Variants in AGBL4 observed in about 807,000 individuals in gnomAD.
The protein encoded by AGBL4 is cytosolic carboxypeptidase 6.
A neutral mutation model predicts 66.4 loss-of-function variants in AGBL4; 58 were observed. The observed-to-expected ratio is 0.87, with a 90% CI of 0.71 to 1.09. The LOEUF (loss-of-function observed/expected upper bound fraction) is 1.09, where lower values mean the gene tolerates loss of function less well. AGBL4 is among the 50% of genes least tolerant of loss of function. AGBL4 has a pLI of 0.00. For synonymous variants in AGBL4, 234 were observed against 222.9 expected (o/e 1.05, Z -0.44); for missense variants, 579 against 631.0 (o/e 0.92, Z 0.88).
rs76123115 is a variant in AGBL4 at position 48,908,938 on chromosome 1, T to C, written c.595-41708A>G. 4.6e-5 allele frequency among the ~76,000 whole-genome samples: 7 copies of C among 151,048 alleles called. No homozygotes were observed. In the South Asian group the frequency reaches 1.5e-3, roughly 32 times the overall value. On this transcript the variant is annotated intron_variant, in intron 5 of 13. Coordinates refer to ENST00000371839, the MANE Select transcript of AGBL4 (RefSeq NM_032785.4). ...TAAATCAACCTTGCCTTTTTTTTTT[T>C]TCAGGACTAGTTTTTGCATCTACTC...
intron 4 of AGBL4, among the ~76,000 whole-genome samples, chr1:49,101,240 T>C (rs1012214111): frequency 2.0e-5 from 3 of 152,060 alleles, no homozygotes; most frequent in Non-Finnish European, 4.4e-5. Context: ...CAGGCTGCAG[T>C]GCAGTGGTAT....
intron 3 of AGBL4, among the ~76,000 whole-genome samples, chr1:49,541,399 C>T (rs1652009315): frequency 6.6e-6 from 1 of 152,164 alleles, no homozygotes; most frequent in Non-Finnish European, 1.5e-5. Flanking sequence ...TCCAGGTGGG[C>T]ATGGGCTCAG....
chr1:49,011,048 A>G lies in AGBL4; in HGVS notation c.594+34536T>C, dbSNP rs1662361224. On this transcript the variant is annotated intron_variant, in intron 5 of 13. Coordinates refer to ENST00000371839, the MANE Select transcript of AGBL4 (RefSeq NM_032785.4). ...GACAAATGGGATCTAATTAAACTAA[A>G]GAGCTTCTGTACAGCAAAAGAAACT... Among the ~76,000 whole-genome samples, 3 of 152,082 alleles carry G rather than the reference A, an allele frequency of 2.0e-5. No individual in the cohort carries two copies. The South Asian group carries it at 6.2e-4, about 32-fold the overall frequency.
chr1:49,884,595 T>C (rs1018075121), intron 1 of AGBL4, among the ~76,000 whole-genome samples: 3 of 151,858 alleles, frequency 2.0e-5, no homozygotes, highest in East Asian at 1.9e-4. Flanking sequence ...AACACCCTTA[T>C]ATAGTATGCA....
intron 6 of AGBL4, among the ~76,000 whole-genome samples, chr1:48,702,340 G>A (rs942851434): frequency 1.3e-5 from 2 of 151,848 alleles, no homozygotes; most frequent in African/African-American, 2.4e-5. Context: ...TGCCCAGGCT[G>A]GAGTGCAATG....
intron 1 of AGBL4, among the ~76,000 whole-genome samples, chr1:49,977,312 C>G (rs1348022037): frequency 6.6e-6 from 1 of 151,968 alleles, no homozygotes; most frequent in South Asian, 2.1e-4. Context: ...ATGGGCTTCA[C>G]CTCTCGTCTT....
intron 1 of AGBL4, among the ~76,000 whole-genome samples, chr1:49,923,910 G>A (rs562111152): frequency 6.6e-6 from 1 of 152,278 alleles, no homozygotes; most frequent in Non-Finnish European, 1.5e-5. Flanking sequence ...ACAGTGTGGT[G>A]ATTCCTCGAA....
intron 3 of AGBL4, among the ~76,000 whole-genome samples, chr1:49,517,973 G>C (rs888159326): frequency 2.6e-5 from 4 of 151,938 alleles, no homozygotes. Flanking sequence ...ATTGTACCCT[G>C]AATCATATTA....
At chr1:48,963,113 T>C (rs1259984694) in intron 5 of AGBL4, among the ~76,000 whole-genome samples, 1 of 145,536 alleles carries the variant, frequency 6.9e-6, no homozygotes, top group East Asian at 2.0e-4. Flanking sequence ...TTCTGGAGGC[T>C]AGGAAGTCCA....
At chr1:49,980,635 T>C (rs1243774426) in intron 1 of AGBL4, among the ~76,000 whole-genome samples, 1 of 152,188 alleles carries the variant, frequency 6.6e-6, no homozygotes, top group Non-Finnish European at 1.5e-5. Flanking sequence ...TTCTATTGTA[T>C]GTATATACCA....
intron 4 of AGBL4, among the ~76,000 whole-genome samples, chr1:49,221,440 T>G (rs1040600633): frequency 5.9e-5 from 9 of 152,128 alleles, no homozygotes; most frequent in African/African-American, 1.7e-4. Context: ...TTTATTTAAG[T>G]GGCTTCCTCA....
chr1:49,265,259 A>G (rs1643892280), intron 3 of AGBL4, among the ~76,000 whole-genome samples: 1 of 152,190 alleles, frequency 6.6e-6, no homozygotes, highest in East Asian at 1.9e-4. Context: ...CAGAAGGTTT[A>G]TAACTCAGTG....
chr1:49,919,689 A>G (rs539035523), intron 1 of AGBL4, among the ~76,000 whole-genome samples: 1 of 151,882 alleles, frequency 6.6e-6, no homozygotes, highest in Non-Finnish European at 1.5e-5. Context: ...ATTCAATGCC[A>G]TCCCCATCAA....
intron 4 of AGBL4, among the ~76,000 whole-genome samples, chr1:49,175,585 A>C (rs188075458): frequency 1.3e-5 from 2 of 152,164 alleles, no homozygotes; most frequent in African/African-American, 4.8e-5. Flanking sequence ...TGATAAGAAC[A>C]TCGGAATACA....
intron 6 of AGBL4, among the ~76,000 whole-genome samples, chr1:48,670,299 C>G (rs1435650443): frequency 1.3e-5 from 2 of 152,170 alleles, no homozygotes; most frequent in Non-Finnish European, 2.9e-5. Flanking sequence ...AACACCCTCA[C>G]TATGAAGAAG....
downstream of AGBL4, among the ~76,000 whole-genome samples, chr1:48,530,489 G>A (rs1433062026): frequency 6.6e-6 from 1 of 152,138 alleles, no homozygotes; most frequent in African/African-American, 2.4e-5. Flanking sequence ...TACAGTGAAA[G>A]GATACTAGTT....
intron 4 of AGBL4, among the ~76,000 whole-genome samples, chr1:49,219,494 T>C (rs1649334014): frequency 6.6e-6 from 1 of 152,168 alleles, no homozygotes; most frequent in African/African-American, 2.4e-5. Flanking sequence ...AAAAAATTTA[T>C]ACTATATGGT....
intron 3 of AGBL4, among the ~76,000 whole-genome samples, chr1:49,673,718 T>C (rs1646525254): frequency 6.6e-6 from 1 of 152,168 alleles, no homozygotes; most frequent in Admixed American, 6.6e-5. Flanking sequence ...CTAGGTATTC[T>C]GTTGACTGCT....
At position 49,348,682 on chromosome 1, in the gene AGBL4, T is replaced by A. The variant is rs559413173; in HGVS notation, c.283-102818A>T. Among the ~76,000 whole-genome samples, 4 of 152,340 alleles carry A rather than the reference T, an allele frequency of 2.6e-5. No individual in the cohort carries two copies. In the South Asian group the frequency reaches 8.3e-4, roughly 32 times the overall value. ...ATTTCAGATTTCTGGCCTTCAGAACTTTGAAAGAATAGATTTCCATAGTTT... is the reference window on the plus strand; with the variant it reads ...ATTTCAGATTTCTGGCCTTCAGAACATTGAAAGAATAGATTTCCATAGTTT... On this transcript the variant is annotated intron_variant, in intron 3 of 13. Transcript: ENST00000371839.
Sources: allele counts gnomAD v4.1 joint callset (sites outside exome capture counted in the v4.1 genomes callset), GRCh38; gene constraint gnomAD v4.1.1; transcripts MANE v1.5; gene names NCBI Gene and HGNC (gene_info 2026-07-23, HGNC 2026-07-21).